The following PEAK1 variants were observed in gnomAD, a reference collection of about 807,000 sequenced individuals.
PEAK1 encodes inactive tyrosine-protein kinase PEAK1.
A neutral mutation model predicts 124.7 loss-of-function variants in PEAK1; 54 were observed. The observed-to-expected ratio is 0.43, with a 90% CI of 0.35 to 0.54. The LOEUF (loss-of-function observed/expected upper bound fraction) is 0.54, where lower values mean the gene tolerates loss of function less well. PEAK1 is among the 20% of genes least tolerant of loss of function. The pLI is 0.01. For missense variants in PEAK1, 2,046 were observed against 2,134.5 expected, an observed-to-expected ratio of 0.96 and a Z score of 0.82; for synonymous variants, 719 against 760.0, an observed-to-expected ratio of 0.95 and a Z score of 0.89.
At chr15:77,158,389 G>C (rs529903526) in intron 8 of PEAK1, 114 bp downstream of exon 8, 222 of 988,204 alleles carry the variant, frequency 2.2e-4, no homozygotes, top group Non-Finnish European at 3.1e-4. Context: ...AACTCCAATG[G>C]TCCAAATTCT....
intron 2 of PEAK1, among the ~76,000 whole-genome samples, chr15:77,313,833 C>T (rs1183942547): frequency 1.3e-5 from 2 of 151,444 alleles, no homozygotes; most frequent in Non-Finnish European, 2.9e-5. Context: ...CCACCCACCT[C>T]GGCCTCCCAG....
chr15:77,190,607 T>C (rs1274491300), intron 6 of PEAK1, among the ~76,000 whole-genome samples: 1 of 152,180 alleles, frequency 6.6e-6, no homozygotes, highest in Non-Finnish European at 1.5e-5. Context: ...CCTTTCTGTT[T>C]CTAATATGAG....
At chr15:77,158,879 T>C (rs955848559) in intron 7 of PEAK1, among the ~76,000 whole-genome samples, 183 bp from the exon 8 acceptor site, 10 of 152,192 alleles carry the variant, frequency 6.6e-5, no homozygotes, top group Non-Finnish European at 1.0e-4. Context: ...TTCACACATA[T>C]TGAGAACCCA....
At chr15:77,403,340 T>C (rs1567358011) in intron 1 of PEAK1, 3 of 937,272 alleles carry the variant, frequency 3.2e-6, no homozygotes, top group Non-Finnish European at 3.8e-6. Flanking sequence ...GATAGTAACA[T>C]ATTTTTAGAA....
chr15:77,176,278 A>G (rs865812204), intron 7 of PEAK1, among the ~76,000 whole-genome samples: 4 of 121,858 alleles, frequency 3.3e-5, no homozygotes, highest in Non-Finnish European at 7.5e-5. Context: ...AAAAGAAAAG[A>G]AAAAAAAAAA....
intron 2 of PEAK1, among the ~76,000 whole-genome samples, chr15:77,302,273 TG>T (rs1463256969): frequency 1.3e-5 from 2 of 152,206 alleles, no homozygotes; most frequent in African/African-American, 4.8e-5. Flanking sequence ...ATTGTAAATA[TG>T]TACACTAACC....
intron 6 of PEAK1, among the ~76,000 whole-genome samples, chr15:77,226,623 T>A (rs938980571): frequency 6.6e-6 from 1 of 152,046 alleles, no homozygotes; most frequent in African/African-American, 2.4e-5. Flanking sequence ...CCAAAATAAA[T>A]CTGTCTCACG....
At chr15:77,107,458 G>A (rs1055027591), downstream of PEAK1, 1 of 152,258 alleles carries the variant, frequency 6.6e-6, no homozygotes, top group East Asian at 1.9e-4. Flanking sequence ...CTTGCTAGTG[G>A]AGAAGAGCAG....
chr15:77,403,763 G>C, intron 1 of PEAK1: 1 of 971,388 alleles, frequency 1.0e-6, no homozygotes, highest in South Asian at 4.7e-5. Flanking sequence ...AAGATGTTAA[G>C]GAATATTTTT....
chr15:77,368,643 A>C (rs891025357), intron 1 of PEAK1, among the ~76,000 whole-genome samples: 1 of 152,254 alleles, frequency 6.6e-6, no homozygotes, highest in East Asian at 1.9e-4. Context: ...GAGACAAAGC[A>C]TTAAGCAAAG....
chr15:77,365,466 G>A (rs1032643639), intron 1 of PEAK1, among the ~76,000 whole-genome samples: 4 of 152,154 alleles, frequency 2.6e-5, no homozygotes, highest in Non-Finnish European at 4.4e-5. Context: ...GGCCGGGCAC[G>A]GCGGCTCACG....
chr15:77,164,449 T>G (rs1484239696), intron 7 of PEAK1, among the ~76,000 whole-genome samples: 3 of 152,250 alleles, frequency 2.0e-5, no homozygotes, highest in African/African-American at 7.2e-5. Flanking sequence ...AGGTCTTGAA[T>G]GAACTCTAAT....
At chr15:77,304,441 C>CTTT (rs2063960926) in intron 2 of PEAK1, among the ~76,000 whole-genome samples, 1 of 124,738 alleles carries the variant, frequency 8.0e-6, no homozygotes. Context: ...CTCCTGTATA[C>CTTT]ATTTTTTTTT....
intron 1 of PEAK1, chr15:77,403,954 GGTAAACT>G (rs1454308630): frequency 1.8e-5 from 17 of 965,794 alleles, no homozygotes; most frequent in Non-Finnish European, 2.1e-5. Context: ...TTGTTGCATG[GGTAAACT>G]GCGTGTCACA....
At chr15:77,331,925 CT>C (rs1410971313) in intron 2 of PEAK1, among the ~76,000 whole-genome samples, 2 of 151,670 alleles carry the variant, frequency 1.3e-5, no homozygotes, top group African/African-American at 4.8e-5. Flanking sequence ...ACTCTGAATG[CT>C]TTTAATACAT....
chr15:77,198,535 T>A (rs1375905013), intron 6 of PEAK1, among the ~76,000 whole-genome samples: 2 of 152,254 alleles, frequency 1.3e-5, no homozygotes, highest in African/African-American at 4.8e-5. Flanking sequence ...AGGACCAGTA[T>A]AAAAAACAGA....
intron 2 of PEAK1, chr15:77,337,238 A>T: frequency 1.0e-6 from 1 of 985,174 alleles, no homozygotes; most frequent in Non-Finnish European, 1.2e-6. Flanking sequence ...TAATACAGAC[A>T]TGAAAGCTCC....
At chr15:77,350,134 G>T in intron 2 of PEAK1, 1 of 985,436 alleles carries the variant, frequency 1.0e-6, no homozygotes, top group African/African-American at 1.7e-5. Flanking sequence ...CACTTCGAAA[G>T]ATGTGAAAAT....
intron 2 of PEAK1, among the ~76,000 whole-genome samples, chr15:77,360,786 T>C (rs1355230842): frequency 1.3e-5 from 2 of 151,630 alleles, no homozygotes; most frequent in Non-Finnish European, 2.9e-5. Context: ...GTAATATAAA[T>C]AAACATATAT....
Sources: gnomAD v4.1 joint callset for allele counts (sites outside exome capture counted in the v4.1 genomes callset) on GRCh38, gnomAD v4.1.1 for gene constraint, MANE v1.5 for transcripts, NCBI Gene and HGNC (gene_info 2026-07-23, HGNC 2026-07-21) for gene names.